The following APMAP variants were observed in gnomAD, a reference collection of about 807,000 sequenced individuals.
The protein encoded by APMAP is adipocyte plasma membrane-associated protein.
In APMAP, 33 loss-of-function variants were observed where a neutral mutation model predicts 43.6. The observed-to-expected ratio is 0.76, with a 90% CI of 0.57 to 1.01. The LOEUF is 1.01. Ranked by LOEUF, APMAP falls within the 50% of genes least tolerant of loss-of-function variation. APMAP has a pLI of 0.00. For synonymous variants in APMAP, 224 were observed against 216.7 expected, an observed-to-expected ratio of 1.03 and a Z score of -0.30; for missense variants, 498 against 540.7, an observed-to-expected ratio of 0.92 and a Z score of 0.78.
chr20:24,990,360 C>A lies in APMAP; in HGVS notation c.95+2234G>T, dbSNP rs1435448986. ...TCCTTCTTCATTCATTTTCATTTCT[C>A]TTTTGACTCTATTCTCTGTAACTTC... On this transcript the variant is annotated intron_variant, in intron 1 of 8. Transcript: ENST00000217456. 2.6e-5 allele frequency among the ~76,000 whole-genome samples: 4 copies of A among 152,186 alleles called. No homozygotes were observed. The East Asian group carries it at 7.7e-4, about 29-fold the overall frequency.
chr20:24,973,808 C>T (rs2088027118), intron 3 of APMAP, 71 bp from the exon 4 acceptor site: 5 of 1,367,282 alleles, frequency 3.7e-6, no homozygotes, highest in Non-Finnish European at 5.2e-6. Context: ...CCTTCTCCTA[C>T]AAGAGGGCTT....
intron 3 of APMAP, 115 bp from the exon 4 acceptor site, chr20:24,973,852 G>A: frequency 2.4e-6 from 2 of 828,744 alleles, no homozygotes; most frequent in South Asian, 1.8e-5. Flanking sequence ...TAGAGGAAAT[G>A]CCAATTCTCA....
intron 1 of APMAP, among the ~76,000 whole-genome samples, chr20:24,985,301 T>C (rs1465484588): frequency 6.6e-6 from 1 of 152,188 alleles, no homozygotes; most frequent in East Asian, 1.9e-4. Context: ...CTATTTCTAC[T>C]GGGGTAGGTG....
intron 1 of APMAP, among the ~76,000 whole-genome samples, chr20:24,987,511 TG>T (rs2088157945): frequency 1.3e-5 from 2 of 152,170 alleles, no homozygotes; most frequent in Admixed American, 1.3e-4. Flanking sequence ...CTTGCTTTTA[TG>T]GGGTGATGAA....
At chr20:24,990,481 C>T (rs2088182589) in intron 1 of APMAP, among the ~76,000 whole-genome samples, 1 of 152,176 alleles carries the variant, frequency 6.6e-6, no homozygotes, top group South Asian at 2.1e-4. Context: ...GACCACCCAA[C>T]GTATTACTAG....
At chr20:24,992,121 C>T (rs2088197986) in intron 1 of APMAP, among the ~76,000 whole-genome samples, 1 of 152,236 alleles carries the variant, frequency 6.6e-6, no homozygotes, top group South Asian at 2.1e-4. Context: ...AGGCAGGACC[C>T]CAGCATCTCG....
rs199835445 is a variant in APMAP, at chr20:24,971,494, T to C, written c.504A>G (p.Ala168=). ...GATTTACTTCAAATAGTCCCTTGTA[T>C]GCATCGGCCACAAAGAGAGTCCCAT... The part of the protein sequence containing the change: ...GPNGTLFVAD[A]YKGLFEVNPW... The change falls in exon 5 of 9, where the codon GCA becomes GCG. Residue 168 remains alanine (A), a synonymous_variant. Transcript: ENST00000217456. The C allele has an allele frequency of 5.0e-6, 8 of 1,614,208 alleles. No individual in the cohort carries two copies. The highest frequency in any genetic ancestry group is 6.8e-6 in the Non-Finnish European group (8 of 1,180,006).
At chr20:24,969,204 T>C in intron 7 of APMAP, 120 bp from the exon 8 acceptor site, 1 of 1,074,050 alleles carries the variant, frequency 9.3e-7, no homozygotes, top group Non-Finnish European at 1.3e-6. Flanking sequence ...TCTATGACCA[T>C]CATGAACAAA....
intron 1 of APMAP, among the ~76,000 whole-genome samples, chr20:24,986,691 G>A (rs906885898): frequency 6.6e-6 from 1 of 152,302 alleles, no homozygotes; most frequent in East Asian, 1.9e-4. Flanking sequence ...TGTGCTTTAC[G>A]TGGGCAACCA....
Position 24,974,124 on chromosome 20 carries a change from G to A in APMAP, c.329-387C>T, listed in dbSNP as rs537242673. 33 of 157,850 alleles carry A rather than the reference G, an allele frequency of 2.1e-4. No homozygotes were observed. The South Asian group carries it at 6.1e-3, about 29-fold the overall frequency. The allele number at this position is 157,850 out of a possible 1,614,324, so 9.8% of individuals were successfully genotyped here. On this transcript the variant is annotated intron_variant, in intron 3 of 8. Transcript: ENST00000217456. ...TGATATTGATTATATCCAACTAAAG[G>A]AGAAGAACTGCCAGAAATCCTTTAG...
chr20:24,964,386 C>G (rs192455660), intron 8 of APMAP: 64 of 502,846 alleles, frequency 1.3e-4, no homozygotes, highest in African/African-American at 1.1e-3. Context: ...AGATCACAAC[C>G]AGCGCAGCTT....
intron 1 of APMAP, among the ~76,000 whole-genome samples, chr20:24,986,561 C>T (rs1475793787): frequency 6.6e-6 from 1 of 152,196 alleles, no homozygotes; most frequent in East Asian, 1.9e-4. Context: ...CTACAAAGCA[C>T]AGAACTACGA....
intron 7 of APMAP, 54 bp from the exon 8 acceptor site, chr20:24,969,138 A>C: frequency 6.7e-7 from 1 of 1,500,188 alleles, no homozygotes; most frequent in East Asian, 2.3e-5. Flanking sequence ...TTTCAGAAAA[A>C]AAATTTTAGC....
At chr20:24,978,719 A>G (rs1396448326) in intron 3 of APMAP, 48 bp downstream of exon 3, 126 of 607,732 alleles carry the variant, frequency 2.1e-4, no homozygotes, top group Non-Finnish European at 3.1e-4. Flanking sequence ...GCCCCCTCAG[A>G]CAACAGACAG....
chr20:24,980,502 C>G (rs545331416), intron 2 of APMAP, among the ~76,000 whole-genome samples: 1 of 149,898 alleles, frequency 6.7e-6, no homozygotes, highest in East Asian at 2.0e-4. Context: ...CCTCGGTCAC[C>G]TCTACACGCT....
Position 24,968,942 on chromosome 20 carries a change from T to A in APMAP, c.991A>T (p.Met331Leu), listed in dbSNP as rs529900506. 1.9e-6 allele frequency: 3 copies of A among 1,612,476 alleles called. No individual in the cohort carries two copies. Among genetic ancestry groups the A allele is most frequent in the Non-Finnish European group, 2.5e-6 (3 of 1,179,272 alleles). The change falls in exon 8 of 9, where the codon ATG (methionine) becomes TTG (leucine). Residue 331 changes from methionine to leucine, a missense_variant. By Grantham distance (15) the Met-to-Leu change is conservative. Coordinates refer to ENST00000217456, the MANE Select transcript of APMAP (RefSeq NM_020531.3). ...GGTCTCTCAGATAAGAAATCCAGCATGGAAAACCCAGGGTTAGGGCGGATG... is the reference window on the plus strand; with the variant it reads ...GGTCTCTCAGATAAGAAATCCAGCAAGGAAAACCCAGGGTTAGGGCGGATG... ...STIRPNPGFS[M>L]LDFLSERPWI... is the part of the protein sequence containing the mutation.
At chr20:24,969,305 G>A (rs1020950161) in intron 7 of APMAP, among the ~76,000 whole-genome samples, 2 of 152,204 alleles carry the variant, frequency 1.3e-5, no homozygotes, top group African/African-American at 2.4e-5. Context: ...CCTGCCAGCA[G>A]GGGAATGGGG....
chr20:24,970,954 C>T (rs916915450), intron 5 of APMAP, among the ~76,000 whole-genome samples: 3 of 152,138 alleles, frequency 2.0e-5, no homozygotes, highest in Admixed American at 1.3e-4. Flanking sequence ...TTCGGGCCCC[C>T]ACGCACAAGA....
intron 5 of APMAP, among the ~76,000 whole-genome samples, chr20:24,970,907 T>C (rs1269197196): frequency 6.6e-6 from 1 of 150,612 alleles, no homozygotes; most frequent in South Asian, 2.2e-4. Flanking sequence ...GCCAGCAGAG[T>C]GGAATGCCCC....
Sources: gnomAD v4.1 joint callset for allele counts (sites outside exome capture counted in the v4.1 genomes callset) on GRCh38, gnomAD v4.1.1 for gene constraint, MANE v1.5 for transcripts, NCBI Gene and HGNC (gene_info 2026-07-23, HGNC 2026-07-21) for gene names.